Variants in SYNE2 observed in about 807,000 individuals in gnomAD.
SYNE2 encodes nesprin-2.
A neutral mutation model predicts 856.3 loss-of-function variants in SYNE2; 431 were observed. The observed-to-expected ratio is 0.50, with a 90% CI of 0.47 to 0.55. The LOEUF is 0.55. Among genes scored for constraint, SYNE2 ranks in the 20% least tolerant of loss-of-function variants. The pLI, the probability that SYNE2 is intolerant of heterozygous loss-of-function variation, is 0.00. For missense variants in SYNE2, 8,129 were observed against 8,023.2 expected (o/e 1.01, Z -0.50); for synonymous variants, 2,923 against 2,872.3 (o/e 1.02, Z -0.56).
intron 1 of SYNE2, among the ~76,000 whole-genome samples, chr14:63,865,721 C>G (rs1227205669): frequency 3.4e-5 from 4 of 117,644 alleles, no homozygotes; most frequent in African/African-American, 7.0e-5. Context: ...CCCACCCCCC[C>G]CCCAAAAAAA....
intron 1 of SYNE2, among the ~76,000 whole-genome samples, chr14:63,873,178 G>C (rs951424795): frequency 2.0e-5 from 3 of 152,166 alleles, no homozygotes; most frequent in African/African-American, 7.2e-5. Context: ...ACTCATATTT[G>C]AAAATGGGTA....
intron 65 of SYNE2, among the ~76,000 whole-genome samples, chr14:64,108,967 C>T (rs2097788408): frequency 6.6e-6 from 1 of 151,982 alleles, no homozygotes; most frequent in Non-Finnish European, 1.5e-5. Flanking sequence ...CCTCAACCTC[C>T]TGGGCTCAGG....
intron 8 of SYNE2, among the ~76,000 whole-genome samples, chr14:63,961,106 A>T (rs2096307778): frequency 2.6e-5 from 4 of 152,180 alleles, no homozygotes. Context: ...TACTGCACAC[A>T]TGCCAAGACC....
At chr14:64,218,353 T>G in intron 108 of SYNE2, 45 bp from the exon 109 acceptor site, 1 of 1,537,928 alleles carries the variant, frequency 6.5e-7, no homozygotes, top group Non-Finnish European at 9.0e-7. Flanking sequence ...TCTTCAGATA[T>G]CCTTCATATC....
chr14:64,181,608 C>T (rs2098458486), intron 96 of SYNE2, among the ~76,000 whole-genome samples: 1 of 152,178 alleles, frequency 6.6e-6, no homozygotes, highest in African/African-American at 2.4e-5. Context: ...TCCCAAGTAA[C>T]CCAAAGCTTG....
chr14:63,931,771 C>T (rs1025352959), intron 2 of SYNE2, among the ~76,000 whole-genome samples: 1 of 152,044 alleles, frequency 6.6e-6, no homozygotes, highest in African/African-American at 2.4e-5. Flanking sequence ...AAAGGTTTAA[C>T]TCCAAGTTCT....
intron 84 of SYNE2, among the ~76,000 whole-genome samples, chr14:64,150,671 A>G (rs1299363331): frequency 6.6e-6 from 1 of 152,220 alleles, no homozygotes; most frequent in Non-Finnish European, 1.5e-5. Context: ...GTTTTTAGAA[A>G]TCTAGTTAGT....
intron 19 of SYNE2, among the ~76,000 whole-genome samples, chr14:63,987,435 C>T (rs2096635056): frequency 6.6e-6 from 1 of 152,140 alleles, no homozygotes; most frequent in Non-Finnish European, 1.5e-5. Context: ...GTCTTAATAT[C>T]ACTTAGTTCT....
Position 64,113,457 on chromosome 14 carries a change from G to T in SYNE2, c.12726G>T (p.Lys4242Asn), listed in dbSNP as rs1398565000. Residue 4242 changes from lysine (K) to asparagine (N), a missense_variant, in exon 66 of 116, where the codon AAG becomes AAT. Around this residue, in one of 3 missense-constraint regions of SYNE2, gnomAD observed 5,410 missense variants for 5,284.8 expected, o/e 1.02. Transcript: ENST00000555002. ...PEPTEVLHAC[K>N]TQVAELELWL... ...CCACAGAAGTCCTGCATGCCTGCAA[G>T]ACCCAGGTGGCCGAGCTGGAGCTGT... The T allele has an allele frequency of 1.2e-6, 2 of 1,614,100 alleles. No homozygotes were observed. The highest frequency in any genetic ancestry group is 1.3e-5 in the African/African-American group (1 of 74,938).
chr14:64,065,800 G>A (rs1001860514), intron 51 of SYNE2, 150 bp downstream of exon 51: 55 of 884,584 alleles, frequency 6.2e-5, no homozygotes, highest in Non-Finnish European at 8.8e-5. Context: ...GTTTATAGAT[G>A]TCAGGCCTTA....
chr14:63,876,081 A>G (rs1040650461), intron 1 of SYNE2, among the ~76,000 whole-genome samples: 1 of 152,152 alleles, frequency 6.6e-6, no homozygotes, highest in African/African-American at 2.4e-5. Context: ...AGGTACAGGT[A>G]TGAGTTTGGT....
At chr14:64,008,971 T>C (rs1362905277) in intron 31 of SYNE2, among the ~76,000 whole-genome samples, 1 of 152,188 alleles carries the variant, frequency 6.6e-6, no homozygotes. Flanking sequence ...TCTGATTCTC[T>C]CTTCAGAATT....
chr14:63,763,041 C>T (rs1166649385), intron 1 of SYNE2, among the ~76,000 whole-genome samples: 1 of 152,194 alleles, frequency 6.6e-6, no homozygotes, highest in Non-Finnish European at 1.5e-5. Context: ...AATCTTGGCT[C>T]ACTGCAACCT....
At chr14:64,122,265 C>A in intron 69 of SYNE2, 21 bp from the exon 70 acceptor site, 2 of 1,614,146 alleles carry the variant, frequency 1.2e-6, no homozygotes, top group South Asian at 2.2e-5. Context: ...ATTCTCTTCA[C>A]CTTTTGTTCT....
chr14:64,214,314 C>A lies in SYNE2; in HGVS notation c.19177C>A (p.Leu6393Met). Residue 6393 changes from leucine (L) to methionine (M), a missense_variant, in exon 106 of 116, where the codon CTG becomes ATG. Physicochemically the swap from Leu to Met is conservative, Grantham distance 15. This residue lies in a region of SYNE2 where 5,410 missense variants were observed against 5,284.8 expected (regional missense o/e 1.02). Coordinates refer to ENST00000555002, the MANE Select transcript of SYNE2 (RefSeq NM_182914.3). ...CGAGGAACCGTCATCTCCTCAGTCCCTGTGTCATCTAGTGGCCCCAGGGCA... is the reference window on the plus strand; with the variant it reads ...CGAGGAACCGTCATCTCCTCAGTCCATGTGTCATCTAGTGGCCCCAGGGCA... ...ESEEPSSPQS[L>M]CHLVAPGHER... is the part of the protein sequence containing the mutation. 1 of 1,614,136 alleles carries A rather than the reference C, an allele frequency of 6.2e-7. No homozygotes were observed. Among genetic ancestry groups the A allele is most frequent in the Non-Finnish European group, 8.5e-7 (1 of 1,180,028 alleles).
At chr14:63,827,653 A>AAAG (rs1889498645) in intron 1 of SYNE2, among the ~76,000 whole-genome samples, 1 of 148,716 alleles carries the variant, frequency 6.7e-6, no homozygotes, top group South Asian at 2.1e-4. Flanking sequence ...AAAAAAAAAA[A>AAAG]AAAGAAAGAA....
At chr14:63,794,337 G>A (rs1444922230) in intron 1 of SYNE2, among the ~76,000 whole-genome samples, 10 of 152,010 alleles carry the variant, frequency 6.6e-5, no homozygotes, top group Non-Finnish European at 1.5e-4. Context: ...TTACAGGCAC[G>A]TGCCACCATG....
At chr14:63,803,495 G>A (rs961227107) in intron 1 of SYNE2, among the ~76,000 whole-genome samples, 2 of 152,240 alleles carry the variant, frequency 1.3e-5, no homozygotes, top group Non-Finnish European at 2.9e-5. Context: ...ACCCTCCGCA[G>A]CCACTGGTCC....
rs1327991038 is a variant in SYNE2, at chr14:63,971,289, A to AT, written c.1128+3450dup. Among the ~76,000 whole-genome samples, 5 of 150,360 alleles carry AT rather than the reference A, an allele frequency of 3.3e-5. No individual in the cohort carries two copies. The East Asian group carries it at 8.0e-4, about 24-fold the overall frequency. ...ACCATGCACACTTAATTTCTTTTGTATTTTTTTGCAGAGAAGGGGTTTCAC... is the reference window on the plus strand; with the variant it reads ...ACCATGCACACTTAATTTCTTTTGTATTTTTTTTGCAGAGAAGGGGTTTCAC... On this transcript the variant is annotated intron_variant, in intron 11 of 115. Coordinates refer to ENST00000555002, the MANE Select transcript of SYNE2 (RefSeq NM_182914.3).
Sources: gnomAD v4.1 joint callset for allele counts (sites outside exome capture counted in the v4.1 genomes callset) on GRCh38, gnomAD v4.1.1 for gene constraint, gnomAD v4.1.1 regional missense constraint, MANE v1.5 for transcripts, NCBI Gene and HGNC (gene_info 2026-07-23, HGNC 2026-07-21) for gene names.